NALF1: variants seen among roughly 807,000 people sequenced by gnomAD.
NALF1 encodes the protein NALCN channel auxiliary factor 1.
NALF1 carries 3 observed loss-of-function variants against 48.4 expected under a neutral mutation model. That is an observed-to-expected ratio of 0.06 (90% CI 0.03 to 0.16). The LOEUF is 0.16. Among genes scored for constraint, NALF1 ranks in the 10% least tolerant of loss-of-function variants. The pLI, the probability that NALF1 is intolerant of heterozygous loss-of-function variation, is 1.00. For synonymous variants in NALF1, 262 were observed against 245.7 expected (o/e 1.07, Z -0.62); for missense variants, 526 against 571.5 (o/e 0.92, Z 0.81).
chr13:107,269,382 G>A (rs114261668), intron 1 of NALF1, among the ~76,000 whole-genome samples: 1 of 151,952 alleles, frequency 6.6e-6, no homozygotes, highest in South Asian at 2.1e-4. Flanking sequence ...TTGCAGAGTG[G>A]ATAGTAAATG....
chr13:107,609,271 C>T (rs1879158697), intron 1 of NALF1, among the ~76,000 whole-genome samples: 1 of 152,172 alleles, frequency 6.6e-6, no homozygotes, highest in African/African-American at 2.4e-5. Context: ...AACAAATCTT[C>T]GCCGAGAGCA....
At chr13:107,339,425 A>T (rs1882627526) in intron 1 of NALF1, among the ~76,000 whole-genome samples, 1 of 152,028 alleles carries the variant, frequency 6.6e-6, no homozygotes. Flanking sequence ...GTGAAAATAT[A>T]GCTCCTCCCA....
At chr13:107,623,060 AAT>A (rs1405422619) in intron 1 of NALF1, among the ~76,000 whole-genome samples, 2 of 152,166 alleles carry the variant, frequency 1.3e-5, no homozygotes, top group African/African-American at 4.8e-5. Context: ...TGCTCTTAAG[AAT>A]GTCATGAGTT....
Position 107,609,159 on chromosome 13 carries a change from C to G in NALF1, c.915+256523G>C, listed in dbSNP as rs564468314. Among the ~76,000 whole-genome samples the G allele has an allele frequency of 4.3e-3, 661 of 152,298 alleles. 2 individuals carry two copies. Among genetic ancestry groups the G allele is most frequent in the African/African-American group, 0.014 (598 of 41,564 alleles). On this transcript the variant is annotated intron_variant, in intron 1 of 2. Transcript: ENST00000375915. Reference sequence around the variant, plus strand: ...CACCTCTAAAATGATTGGTATAGGTCCTGCCCTACCCCTTAGCTCCCCTAT... The same window carrying G: ...CACCTCTAAAATGATTGGTATAGGTGCTGCCCTACCCCTTAGCTCCCCTAT...
intron 1 of NALF1, among the ~76,000 whole-genome samples, chr13:107,544,215 C>T (rs1199562186): frequency 6.6e-6 from 1 of 152,064 alleles, no homozygotes; most frequent in African/African-American, 2.4e-5. Flanking sequence ...AAGAGGTGGG[C>T]TGATGCATGC....
intron 1 of NALF1, among the ~76,000 whole-genome samples, chr13:107,707,764 A>G (rs773340200): frequency 1.1e-4 from 17 of 152,206 alleles, no homozygotes; most frequent in Non-Finnish European, 1.6e-4. Flanking sequence ...GAGAGTTTCT[A>G]TTAGCTACCC....
At chr13:107,586,241 C>T (rs1878452578) in intron 1 of NALF1, among the ~76,000 whole-genome samples, 1 of 152,088 alleles carries the variant, frequency 6.6e-6, no homozygotes, top group Non-Finnish European at 1.5e-5. Flanking sequence ...ATCTTAATCC[C>T]ACTTTTCTCA....
intron 1 of NALF1, among the ~76,000 whole-genome samples, chr13:107,256,309 A>G (rs1395721893): frequency 6.6e-6 from 1 of 152,108 alleles, no homozygotes; most frequent in African/African-American, 2.4e-5. Context: ...TCTCTTCCTA[A>G]CCCTGTGTTC....
Position 107,738,050 on chromosome 13 carries a change from C to T in NALF1, c.915+127632G>A, listed in dbSNP as rs189450970. On this transcript the variant is annotated intron_variant, in intron 1 of 2. Transcript: ENST00000375915. ...GACACAAAACTATTTAAAAACACGGCTCTTTGCAGTCAGCACTATTTTACT... is the reference window on the plus strand; with the variant it reads ...GACACAAAACTATTTAAAAACACGGTTCTTTGCAGTCAGCACTATTTTACT... 3.9e-5 allele frequency among the ~76,000 whole-genome samples: 6 copies of T among 152,264 alleles called. No homozygotes were observed. In the East Asian group the frequency reaches 1.2e-3, roughly 29 times the overall value.
At chr13:107,200,202 C>G (rs1879481801) in intron 2 of NALF1, among the ~76,000 whole-genome samples, 1 of 152,192 alleles carries the variant, frequency 6.6e-6, no homozygotes, top group South Asian at 2.1e-4. Context: ...TTGCTCTAAA[C>G]TCCCCCTTGG....
At chr13:107,230,750 T>C (rs1002344780) in intron 1 of NALF1, among the ~76,000 whole-genome samples, 4 of 151,896 alleles carry the variant, frequency 2.6e-5, no homozygotes, top group African/African-American at 9.7e-5. Context: ...TGGGGACACT[T>C]TGATAAACAT....
chr13:107,310,113 A>G (rs1415209890), intron 1 of NALF1, among the ~76,000 whole-genome samples: 1 of 152,086 alleles, frequency 6.6e-6, no homozygotes. Context: ...TTCAGGTATT[A>G]AGATATAACT....
intron 1 of NALF1, among the ~76,000 whole-genome samples, chr13:107,637,768 G>A (rs1227210511): frequency 6.6e-6 from 1 of 152,086 alleles, no homozygotes; most frequent in Admixed American, 6.6e-5. Context: ...CATGTGGGAT[G>A]CTAAAATGCA....
intron 1 of NALF1, among the ~76,000 whole-genome samples, chr13:107,243,362 C>T (rs556398419): frequency 7.9e-5 from 12 of 152,216 alleles, no homozygotes; most frequent in Non-Finnish European, 1.5e-4. Flanking sequence ...CTGCCCTGGG[C>T]CACGCAGGTG....
intron 1 of NALF1, among the ~76,000 whole-genome samples, chr13:107,509,217 ATAT>A (rs1374627867): frequency 6.6e-6 from 1 of 152,120 alleles, no homozygotes; most frequent in Non-Finnish European, 1.5e-5. Context: ...TTGTTTTATA[ATAT>A]TATATACAAA....
intron 1 of NALF1, among the ~76,000 whole-genome samples, chr13:107,712,412 A>G (rs1469023173): frequency 6.6e-6 from 1 of 152,230 alleles, no homozygotes; most frequent in Non-Finnish European, 1.5e-5. Flanking sequence ...CCCAGCCTGA[A>G]AAAACACATT....
intron 1 of NALF1, among the ~76,000 whole-genome samples, chr13:107,602,512 A>C (rs904871044): frequency 6.6e-6 from 1 of 152,192 alleles, no homozygotes; most frequent in Non-Finnish European, 1.5e-5. Context: ...CAAATACTTC[A>C]GGCAGATCAA....
intron 1 of NALF1, among the ~76,000 whole-genome samples, chr13:107,380,977 C>CAA (rs1216225434): frequency 5.1e-4 from 27 of 53,370 alleles, no homozygotes; most frequent in African/African-American, 1.6e-3. Context: ...GACACGGTCT[C>CAA]AAAAAAAAAA....
chr13:107,767,785 T>A (rs1431389354), intron 1 of NALF1, among the ~76,000 whole-genome samples: 1 of 152,226 alleles, frequency 6.6e-6, no homozygotes, highest in Admixed American at 6.5e-5. Context: ...AACAGAATTT[T>A]TCTCTATTTA....
Sources: allele counts gnomAD v4.1 joint callset (sites outside exome capture counted in the v4.1 genomes callset), GRCh38; gene constraint gnomAD v4.1.1; transcripts MANE v1.5; gene names NCBI Gene and HGNC (gene_info 2026-07-23, HGNC 2026-07-21).